Variants in NPAS3 observed in about 807,000 individuals in gnomAD.
The protein encoded by NPAS3 is neuronal PAS domain protein 3.
In NPAS3, 14 loss-of-function variants were observed where a neutral mutation model predicts 73.1. That is an observed-to-expected ratio of 0.19 (90% confidence interval 0.13 to 0.30). The LOEUF is 0.30. Among genes scored for constraint, NPAS3 ranks in the 10% least tolerant of loss-of-function variants. The probability of loss-of-function intolerance (pLI) is 1.00; values close to 1 mark genes in which losing one functional copy is unlikely to be tolerated. For synonymous variants in NPAS3, 620 were observed against 541.5 expected (o/e 1.14, Z -2.01); for missense variants, 1,096 against 1,250.0 (o/e 0.88, Z 1.86).
At chr14:33,271,398 T>G (rs1362845843) in intron 3 of NPAS3, among the ~76,000 whole-genome samples, 1 of 152,122 alleles carries the variant, frequency 6.6e-6, no homozygotes, top group African/African-American at 2.4e-5. Flanking sequence ...GGGTTCTGGT[T>G]TCCATGACTC....
chr14:33,450,075 G>A (rs1349911448), intron 4 of NPAS3, among the ~76,000 whole-genome samples: 1 of 152,172 alleles, frequency 6.6e-6, no homozygotes, highest in Non-Finnish European at 1.5e-5. Flanking sequence ...TGTTGAAATG[G>A]CTCACCCATT....
At chr14:33,370,999 G>A (rs2046061710) in intron 4 of NPAS3, among the ~76,000 whole-genome samples, 1 of 152,162 alleles carries the variant, frequency 6.6e-6, no homozygotes, top group African/African-American at 2.4e-5. Flanking sequence ...GTGTATAGAT[G>A]AATGATAGTT....
chr14:33,662,961 C>T (rs1393923902), intron 5 of NPAS3, among the ~76,000 whole-genome samples: 9 of 148,782 alleles, frequency 6.0e-5, no homozygotes, highest in East Asian at 2.0e-4. Flanking sequence ...CCTGGGTTCA[C>T]GCCATTCTCC....
At chr14:33,329,430 G>C (rs1307602413) in intron 3 of NPAS3, among the ~76,000 whole-genome samples, 2 of 152,200 alleles carry the variant, frequency 1.3e-5, no homozygotes, top group African/African-American at 4.8e-5. Context: ...GGCAGTGAAA[G>C]CCTCTCTGGG....
intron 1 of NPAS3, 109 bp from the exon 2 acceptor site, chr14:33,055,796 A>G: frequency 2.8e-5 from 15 of 531,740 alleles, no homozygotes; most frequent in Middle Eastern, 2.8e-4. Context: ...GTAGAGCTCA[A>G]AAGCGTAAAA....
intron 7 of NPAS3, among the ~76,000 whole-genome samples, chr14:33,773,347 G>A (rs749643297): frequency 2.6e-5 from 4 of 152,164 alleles, no homozygotes; most frequent in Non-Finnish European, 4.4e-5. Flanking sequence ...CTTGGCTTTG[G>A]AGGATTCCCC....
chr14:33,309,789 T>C (rs73256838), intron 3 of NPAS3, among the ~76,000 whole-genome samples: 2,176 of 152,280 alleles, frequency 0.014, 57 homozygotes, highest in African/African-American at 0.048. Flanking sequence ...ATTAACATGG[T>C]GACAATTATT....
intron 6 of NPAS3, among the ~76,000 whole-genome samples, chr14:33,685,397 C>T (rs2060061517): frequency 6.6e-6 from 1 of 152,100 alleles, no homozygotes; most frequent in Non-Finnish European, 1.5e-5. Flanking sequence ...TTTGACATGC[C>T]CAAACATATC....
intron 9 of NPAS3, among the ~76,000 whole-genome samples, chr14:33,782,031 G>A (rs141358154): frequency 1.4e-4 from 21 of 152,260 alleles, no homozygotes; most frequent in Middle Eastern, 3.4e-3. Flanking sequence ...CATTATTGAC[G>A]CCAACATGGT....
intron 4 of NPAS3, among the ~76,000 whole-genome samples, chr14:33,404,945 T>C (rs970608693): frequency 6.6e-6 from 1 of 152,138 alleles, no homozygotes; most frequent in African/African-American, 2.4e-5. Context: ...CCCATGTTGC[T>C]CTTGTTCTCC....
At chr14:33,758,186 C>T (rs2062173454) in intron 7 of NPAS3, among the ~76,000 whole-genome samples, 1 of 152,296 alleles carries the variant, frequency 6.6e-6, no homozygotes, top group South Asian at 2.1e-4. Flanking sequence ...TCCTCCAGCA[C>T]CTCCCCACCT....
At chr14:32,936,511 G>T (rs2035698874), upstream of NPAS3, among the ~76,000 whole-genome samples, 1 of 151,768 alleles carries the variant, frequency 6.6e-6, no homozygotes, top group Non-Finnish European at 1.5e-5. Flanking sequence ...TGTTTTTTTG[G>T]TCACTTATAC....
In NPAS3 at chr14:33,374,466, G is replaced by A. The variant is rs565180528; in HGVS notation, c.468+7198G>A. Among the ~76,000 whole-genome samples, 21 of 150,828 alleles carry A rather than the reference G, an allele frequency of 1.4e-4. 1 individual carries two copies. Among genetic ancestry groups the A allele is most frequent in the South Asian group, 4.2e-4 (2 of 4,716 alleles). On this transcript the variant is annotated intron_variant, in intron 4 of 11. Coordinates refer to ENST00000356141, the Ensembl canonical transcript of NPAS3. ...TTTTTAGACAAATGAGAACATATAGGTTCTCTATCTACCAGAAGTTTTTTT... is the reference window on the plus strand; with the variant it reads ...TTTTTAGACAAATGAGAACATATAGATTCTCTATCTACCAGAAGTTTTTTT...
intron 2 of NPAS3, among the ~76,000 whole-genome samples, chr14:33,066,231 A>G (rs910405556): frequency 6.6e-6 from 1 of 152,144 alleles, no homozygotes; most frequent in African/African-American, 2.4e-5. Flanking sequence ...AGTGAAAACA[A>G]TGGTATTCAT....
rs2052597810 is a variant in NPAS3 at position 33,503,130 on chromosome 14, G to A, written c.469-56991G>A. ...ATATAACCAGGAATACACATAAAAT[G>A]ATGGCAGAAAAAAATATCAATGCAA... On this transcript the variant is annotated intron_variant, in intron 4 of 11. Transcript: ENST00000356141. 2.0e-5 allele frequency among the ~76,000 whole-genome samples: 3 copies of A among 151,982 alleles called. 1 individual carries two copies. The South Asian group carries it at 6.2e-4, about 32-fold the overall frequency.
At chr14:33,163,560 G>T (rs1344485322) in intron 2 of NPAS3, among the ~76,000 whole-genome samples, 1 of 149,906 alleles carries the variant, frequency 6.7e-6, no homozygotes, top group Non-Finnish European at 1.5e-5. Context: ...GAATTTAAAA[G>T]TTTGTTTAGA....
chr14:33,507,239 C>T (rs2052809364), intron 4 of NPAS3, among the ~76,000 whole-genome samples: 1 of 151,898 alleles, frequency 6.6e-6, no homozygotes, highest in Non-Finnish European at 1.5e-5. Flanking sequence ...TTTTTGGTTA[C>T]CGGAGAGAAG....
chr14:33,606,092 A>G (rs1016812288), intron 5 of NPAS3, among the ~76,000 whole-genome samples: 4 of 146,684 alleles, frequency 2.7e-5, no homozygotes, highest in African/African-American at 1.0e-4. Flanking sequence ...TATTATTATT[A>G]TTTAAGTTTT....
At chr14:33,790,569 A>G (rs2063328375) in intron 9 of NPAS3, among the ~76,000 whole-genome samples, 1 of 151,778 alleles carries the variant, frequency 6.6e-6, no homozygotes. Context: ...TTTTTTTCCA[A>G]GGAAAGAAGC....
Sources: gnomAD v4.1 joint callset for allele counts (sites outside exome capture counted in the v4.1 genomes callset) on GRCh38, gnomAD v4.1.1 for gene constraint, MANE v1.5 for transcripts, NCBI Gene and HGNC (gene_info 2026-07-23, HGNC 2026-07-21) for gene names.